The following DIPK1C variants were observed in gnomAD, a reference collection of about 807,000 sequenced individuals.
DIPK1C encodes familial non-conventional Alzheimer's dementia.
A neutral mutation model predicts 28.0 loss-of-function variants in DIPK1C; 33 were observed. The ratio of observed to expected loss-of-function variants is 1.18; its 90% CI spans 0.89 to 1.58. DIPK1C has a LOEUF of 1.58. DIPK1C is among the 40% of genes most tolerant of loss of function. The pLI, the probability that DIPK1C is intolerant of heterozygous loss-of-function variation, is 0.00. For missense variants in DIPK1C, 569 were observed against 568.5 expected (o/e 1.00, Z -0.01); for synonymous variants, 255 against 248.8 (o/e 1.02, Z -0.23).
At chr18:74,456,541 G>C (rs554316060) in intron 1 of DIPK1C, among the ~76,000 whole-genome samples, 1 of 152,206 alleles carries the variant, frequency 6.6e-6, no homozygotes, top group Non-Finnish European at 1.5e-5. Context: ...CAGGGGGGCC[G>C]GGGTCAGACC....
chr18:74,460,790 G>T (rs183368705), upstream of DIPK1C, among the ~76,000 whole-genome samples: 10 of 152,282 alleles, frequency 6.6e-5, no homozygotes, highest in Non-Finnish European at 1.3e-4. Flanking sequence ...ATTCATTCAT[G>T]CATTCATTCA....
At chr18:74,449,910 C>T (rs933515789) in intron 1 of DIPK1C, among the ~76,000 whole-genome samples, 4 of 152,168 alleles carry the variant, frequency 2.6e-5, no homozygotes, top group African/African-American at 7.2e-5. Context: ...TTCCCAGGCA[C>T]GGGGTCATGA....
chr18:74,454,197 C>T (rs1004111137), intron 1 of DIPK1C, among the ~76,000 whole-genome samples: 1 of 151,244 alleles, frequency 6.6e-6, no homozygotes, highest in African/African-American at 2.4e-5. Context: ...CCAGGAAAAT[C>T]CAAGCTGGAA....
intron 1 of DIPK1C, among the ~76,000 whole-genome samples, chr18:74,451,632 G>A (rs1248570717): frequency 4.6e-5 from 7 of 152,150 alleles, no homozygotes; most frequent in Admixed American, 1.3e-4. Flanking sequence ...GGAAGGAAAC[G>A]TTCATTTTGG....
chr18:74,443,633 C>T (rs1986194025), intron 2 of DIPK1C, among the ~76,000 whole-genome samples: 1 of 152,056 alleles, frequency 6.6e-6, no homozygotes, highest in South Asian at 2.1e-4. Context: ...ACAATATAGA[C>T]CTTTTCTCTA....
chr18:74,441,425 C>T (rs1449802978), intron 3 of DIPK1C, among the ~76,000 whole-genome samples: 2 of 152,158 alleles, frequency 1.3e-5, no homozygotes, highest in African/African-American at 4.8e-5. Flanking sequence ...ACCTGAGACC[C>T]GCCAGCTCTG....
Position 74,439,485 on chromosome 18 carries a change from T to C in DIPK1C, c.1041+2467A>G, listed in dbSNP as rs1447717262. Among the ~76,000 whole-genome samples the C allele has an allele frequency of 2.0e-5, 3 of 152,190 alleles. No homozygotes were observed. In the East Asian group the frequency reaches 5.8e-4, roughly 29 times the overall value. On this transcript the variant is annotated intron_variant, in intron 3 of 3. Coordinates refer to ENST00000343998, the MANE Select transcript of DIPK1C (RefSeq NM_001044369.3). The stretch of plus-strand genomic sequence containing the variant: ...CATTTCATTGATTTGTAAATTTATA[T>C]AGAGCAAGAATTTTGGGGGTAATTT...
At chr18:74,448,954 C>T (rs1336757110) in intron 1 of DIPK1C, among the ~76,000 whole-genome samples, 2 of 152,060 alleles carry the variant, frequency 1.3e-5, no homozygotes, top group African/African-American at 4.8e-5. Flanking sequence ...ACTAAAAATA[C>T]AAAAATTAGC....
chr18:74,462,621 C>T (rs147097975), upstream of DIPK1C, among the ~76,000 whole-genome samples: 9 of 151,604 alleles, frequency 5.9e-5, no homozygotes, highest in African/African-American at 2.2e-4. Context: ...TCTTCAATTC[C>T]TAGGAGTAGA....
At chr18:74,445,297 C>T (rs1454664438) in intron 2 of DIPK1C, among the ~76,000 whole-genome samples, 2 of 152,244 alleles carry the variant, frequency 1.3e-5, no homozygotes, top group Admixed American at 6.5e-5. Context: ...CGGGTGAGTT[C>T]CCCCAGAGCT....
In DIPK1C at chr18:74,436,598, G is replaced by T; in HGVS notation, c.1163C>A (p.Pro388His). 3 of 1,613,164 alleles carry T rather than the reference G, an allele frequency of 1.9e-6. No homozygotes were observed. The highest frequency in any genetic ancestry group is 2.5e-6 in the Non-Finnish European group (3 of 1,179,968). The change falls in exon 4 of 4, where the codon CCC becomes CAC. Residue 388 changes from proline (P) to histidine (H), a missense_variant. Pro to His is a moderately conservative substitution (Grantham distance 77, BLOSUM62 -2). Coordinates refer to ENST00000343998, the MANE Select transcript of DIPK1C (RefSeq NM_001044369.3). ...GGCTGCTCTCCGGGTGTTCCCACTG[G>T]GGACCCCAGGGTCTGCACATTCCTG... ...AVQECADPGV[P>H]SGNTRRAASS...
At position 74,443,975 on chromosome 18, in the gene DIPK1C, A is replaced by G. The variant is rs372588823; in HGVS notation, c.877-1859T>C. 7.0e-4 allele frequency among the ~76,000 whole-genome samples: 107 copies of G among 151,930 alleles called. 1 individual carries two copies. In the South Asian group the frequency reaches 0.021, roughly 30 times the overall value. ...GAGCCAGGTTTATTTTTTAATTTTT[A>G]GTGTATGGGGTCTAGAATGGATTGC... On this transcript the variant is annotated intron_variant, in intron 2 of 3. Coordinates refer to ENST00000343998, the MANE Select transcript of DIPK1C (RefSeq NM_001044369.3).
intron 3 of DIPK1C, among the ~76,000 whole-genome samples, chr18:74,439,643 A>G (rs895970326): frequency 1.3e-5 from 2 of 152,010 alleles, no homozygotes; most frequent in African/African-American, 4.8e-5. Flanking sequence ...TAGTGAGACC[A>G]TGTCTCTGCA....
In DIPK1C at chr18:74,434,796, A is replaced by T. The variant is rs1985952454; in HGVS notation, c.*1705T>A. On this transcript the variant is annotated 3_prime_UTR_variant, in exon 4 of 4. Coordinates refer to ENST00000343998, the MANE Select transcript of DIPK1C (RefSeq NM_001044369.3). ...GGCCTGGCCGTTGAACTTTGGTTTT[A>T]ATTTGCTCGTGCCACAGGGTGACTG... 6.6e-6 allele frequency: 1 copy of T among 152,214 alleles called. No homozygotes were observed. Among genetic ancestry groups the T allele is most frequent in the Non-Finnish European group, 1.5e-5 (1 of 68,058 alleles). 9.4% of individuals were successfully genotyped at this position (152,214 alleles called of 1,614,324 possible).
At position 74,447,218 on chromosome 18, in the gene DIPK1C, C is replaced by T. The variant is rs963155731; in HGVS notation, c.264G>A (p.Glu88=). Residue 88 remains glutamate (E), a synonymous_variant, in exon 2 of 4, where the codon GAG becomes GAA. Coordinates refer to ENST00000343998, the MANE Select transcript of DIPK1C (RefSeq NM_001044369.3). This position sits in a 1 kb window ranked among gnomAD's most constrained non-coding sequence, Gnocchi z 4.1. ...AGTGCAGGCAGCGTTGGAACAGCAG[C>T]TCTCCCGCCACACACAGGTCCTCGC... ...DLCEDLCVAG[E]LLFQRCLHYN... is the part of the protein sequence containing the mutation. The T allele has an allele frequency of 1.3e-6, 2 of 1,549,596 alleles. No individual in the cohort carries two copies. The highest frequency in any genetic ancestry group is 1.7e-6 in the Non-Finnish European group (2 of 1,146,462).
chr18:74,454,892 G>A (rs1444560101), intron 1 of DIPK1C, among the ~76,000 whole-genome samples: 1 of 152,058 alleles, frequency 6.6e-6, no homozygotes, highest in Non-Finnish European at 1.5e-5. Context: ...GAAGACAGGG[G>A]GAGAAAGAGT....
chr18:74,464,620 G>A, the DIPK1C span, among the ~76,000 whole-genome samples: 1 of 152,192 alleles, frequency 6.6e-6, no homozygotes, highest in East Asian at 1.9e-4. Context: ...ATCCACCATT[G>A]TAAATACAAG....
At chr18:74,442,179 T>C in intron 2 of DIPK1C, 63 bp from the exon 3 acceptor site, 3 of 1,586,430 alleles carry the variant, frequency 1.9e-6, no homozygotes, top group Non-Finnish European at 2.6e-6. Context: ...AGAGGGAGCC[T>C]GTTCACAACT....
At chr18:74,457,452 C>G (rs193084799), upstream of DIPK1C, among the ~76,000 whole-genome samples, 1 of 151,950 alleles carries the variant, frequency 6.6e-6, no homozygotes, top group South Asian at 2.1e-4. Flanking sequence ...ACCCCGCGCG[C>G]CCCGAGCACC....
Sources: gnomAD v4.1 joint callset for allele counts (sites outside exome capture counted in the v4.1 genomes callset) on GRCh38, gnomAD v4.1.1 for gene constraint, Gnocchi (gnomAD v3.1) non-coding constraint, MANE v1.5 for transcripts, NCBI Gene and HGNC (gene_info 2026-07-23, HGNC 2026-07-21) for gene names.